Variants in CSF2RB observed in about 807,000 individuals in gnomAD.
The protein encoded by CSF2RB is colony stimulating factor 2 receptor subunit beta, also known as cytokine receptor common subunit beta.
In CSF2RB, 22 loss-of-function variants were observed where a neutral mutation model predicts 67.2. The ratio of observed to expected loss-of-function variants is 0.33; its 90% CI spans 0.23 to 0.47. The LOEUF is 0.47. CSF2RB is among the 20% of genes least tolerant of loss of function. The pLI, the probability that CSF2RB is intolerant of heterozygous loss-of-function variation, is 1.00. For missense variants in CSF2RB, 1,113 were observed against 1,174.5 expected (o/e 0.95, Z 0.76); for synonymous variants, 507 against 482.9 (o/e 1.05, Z -0.65).
intron 1 of CSF2RB, among the ~76,000 whole-genome samples, chr22:36,917,573 C>G (rs1940749963): frequency 6.6e-6 from 1 of 152,316 alleles, no homozygotes; most frequent in African/African-American, 2.4e-5. Context: ...CATGCTTACT[C>G]TTCATTCTTA....
In CSF2RB at chr22:36,932,740, C is replaced by T. The variant is rs369341608; in HGVS notation, c.1013-25C>T. 71 of 1,610,998 alleles carry T rather than the reference C, an allele frequency of 4.4e-5. No homozygotes were observed. In the Middle Eastern group the frequency reaches 3.1e-3, roughly 69 times the overall value. On this transcript the variant is annotated intron_variant, in intron 8 of 13. Transcript: ENST00000403662. ...CCGTTGGAGGGTGGGTATGATGACT[C>T]TCCTGAAAGCTTCCCTCCCTCCAGT...
chr22:36,917,557 T>C (rs564804402), intron 1 of CSF2RB, among the ~76,000 whole-genome samples: 11 of 152,364 alleles, frequency 7.2e-5, no homozygotes, highest in African/African-American at 2.6e-4. Context: ...GTCATCCTCC[T>C]GTCCCCATGC....
intron 3 of CSF2RB, among the ~76,000 whole-genome samples, chr22:36,924,184 C>T (rs996625235): frequency 6.1e-5 from 9 of 148,214 alleles, no homozygotes; most frequent in African/African-American, 1.7e-4. Flanking sequence ...CAAAGACCAT[C>T]CTGCCCCTCC....
chr22:36,918,761 C>T (rs1209642803), intron 1 of CSF2RB, among the ~76,000 whole-genome samples: 1 of 152,216 alleles, frequency 6.6e-6, no homozygotes, highest in African/African-American at 2.4e-5. Context: ...TTTTTCCCAG[C>T]ATATAAAAGA....
chr22:36,933,224 T>G lies in CSF2RB; in HGVS notation c.1152+320T>G, dbSNP rs117533392. Among the ~76,000 whole-genome samples, 1,298 of 152,210 alleles carry G rather than the reference T, an allele frequency of 8.5e-3. 17 individuals are homozygous for G. Among genetic ancestry groups the G allele is most frequent in the South Asian group, 0.051 (246 of 4,822 alleles). ...GAAGGTTTTCAAAAGTCATGAAAGT[T>G]TGGGGTTATTTCCTCAGAGGAATCT... On this transcript the variant is annotated intron_variant, in intron 9 of 13. Coordinates refer to ENST00000403662, the MANE Select transcript of CSF2RB (RefSeq NM_000395.3).
chr22:36,917,363 C>T (rs1245509966), intron 1 of CSF2RB, among the ~76,000 whole-genome samples: 1 of 151,984 alleles, frequency 6.6e-6, no homozygotes, highest in African/African-American at 2.4e-5. Flanking sequence ...TTTGCTTTTC[C>T]CCCCTAGTTT....
Position 36,938,254 on chromosome 22 carries a change from C to G in CSF2RB, c.2446C>G (p.Leu816Val). ...TSPQPEGLLV[L>V]QQVGDYCFLP... Reference sequence around the variant, plus strand: ...CCCACAGCCCGAGGGCCTCCTTGTCCTGCAGCAAGTGGGCGACTATTGCTT... The same window carrying G: ...CCCACAGCCCGAGGGCCTCCTTGTCGTGCAGCAAGTGGGCGACTATTGCTT... The change falls in exon 14 of 14, where the codon CTG becomes GTG. Residue 816 changes from leucine to valine, a missense_variant. Physicochemically the swap from Leu to Val is conservative, Grantham distance 32. Transcript: ENST00000403662. The G allele has an allele frequency of 1.2e-6, 2 of 1,614,196 alleles. No homozygotes were observed. Among genetic ancestry groups the G allele is most frequent in the Non-Finnish European group, 1.7e-6 (2 of 1,180,020 alleles).
chr22:36,929,828 G>A (rs750536113), intron 6 of CSF2RB, 21 bp downstream of exon 6: 1 of 1,611,308 alleles, frequency 6.2e-7, no homozygotes, highest in South Asian at 1.1e-5. Flanking sequence ...CAGAGCCCAG[G>A]AAATGCCCCG....
At chr22:36,925,362 A>G (rs1158729033) in intron 3 of CSF2RB, among the ~76,000 whole-genome samples, 1 of 152,146 alleles carries the variant, frequency 6.6e-6, no homozygotes, top group African/African-American at 2.4e-5. Flanking sequence ...ACATTGCCAC[A>G]TTCCCACCTC....
At chr22:36,921,123 G>A (rs1940855309) in intron 1 of CSF2RB, among the ~76,000 whole-genome samples, 1 of 151,262 alleles carries the variant, frequency 6.6e-6, no homozygotes, top group Non-Finnish European at 1.5e-5. Context: ...GTGTGCCTCT[G>A]TGTGTGAATT....
At position 36,937,932 on chromosome 22, in the gene CSF2RB, C is replaced by A. The variant is rs1471219715; in HGVS notation, c.2124C>A (p.Ala708=). The change falls in exon 14 of 14, where the codon GCC becomes GCA. Residue 708 remains alanine, a synonymous_variant. Transcript: ENST00000403662. This position sits in a 1 kb window ranked among gnomAD's most constrained non-coding sequence, Gnocchi z 4.6. The part of the protein sequence containing the change: ...SSGDTEDPGV[A]SGYVSSADLV... ...GGGACACTGAGGACCCTGGAGTGGC[C>A]TCTGGTTATGTCTCCTCTGCAGACC... 1.2e-6 allele frequency: 2 copies of A among 1,613,664 alleles called. No individual in the cohort carries two copies. Among genetic ancestry groups the A allele is most frequent in the African/African-American group, 2.7e-5 (2 of 74,912 alleles).
In CSF2RB at chr22:36,937,450, C is replaced by T. The variant is rs1203199655; in HGVS notation, c.1642C>T (p.Pro548Ser). ...TIEDPKHVCD[P>S]PSGPDTTPAA... ...AGAGGACCCCAAGCATGTCTGTGATCCACCATCTGGGCCTGACACGACTCC... is the reference window on the plus strand; with the variant it reads ...AGAGGACCCCAAGCATGTCTGTGATTCACCATCTGGGCCTGACACGACTCC... The change falls in exon 14 of 14, where the codon CCA becomes TCA. Residue 548 changes from proline (P) to serine (S), a missense_variant. Pro to Ser is a moderately conservative substitution (Grantham distance 74). Around this residue, in one of 2 missense-constraint regions of CSF2RB, gnomAD observed 554 missense variants for 517.9 expected, o/e 1.07. Coordinates refer to ENST00000403662, the MANE Select transcript of CSF2RB (RefSeq NM_000395.3). The surrounding 1 kb of genome is among the most constrained non-coding windows in gnomAD (Gnocchi z 4.6). 2 of 1,613,988 alleles carry T rather than the reference C, an allele frequency of 1.2e-6. No individual in the cohort carries two copies. Among genetic ancestry groups the T allele is most frequent in the African/African-American group, 1.3e-5 (1 of 74,922 alleles).
At position 36,938,208 on chromosome 22, in the gene CSF2RB, G is replaced by A. The variant is rs1801116; in HGVS notation, c.2400G>A (p.Pro800=). 45,063 of 1,614,078 alleles carry A rather than the reference G, an allele frequency of 0.028. 710 individuals are homozygous for A. Among genetic ancestry groups the A allele is most frequent in the Middle Eastern group, 0.05 (300 of 6,060 alleles). ...KSPVLNPGER[P]ADVSPTSPQP... ...CTGTCCTGAACCCAGGGGAACGCCC[G>A]GCAGATGTGTCCCCAACATCCCCAC... is the stretch of plus-strand genomic sequence containing the variant. The change falls in exon 14 of 14, where the codon CCG becomes CCA. Residue 800 remains proline, a synonymous_variant. Coordinates refer to ENST00000403662, the MANE Select transcript of CSF2RB (RefSeq NM_000395.3).
intron 3 of CSF2RB, among the ~76,000 whole-genome samples, chr22:36,924,278 C>A (rs557521117): frequency 6.6e-6 from 1 of 151,964 alleles, no homozygotes; most frequent in African/African-American, 2.4e-5. Flanking sequence ...CTCCCCACCC[C>A]CTTTGCCCAC....
In CSF2RB at chr22:36,938,020, T is replaced by C. The variant is rs1214684170; in HGVS notation, c.2212T>C (p.Ser738Pro). ...CCTAGTTCCCTCTCTGGGCCTCCCC[T>C]CAGACCAGACCCCCAGCTTATGTCC... ...VSLVPSLGLPSDQTPSLCPGL... is the reference protein window; with the variant it reads ...VSLVPSLGLPPDQTPSLCPGL... Residue 738 changes from serine (S) to proline (P), a missense_variant, in exon 14 of 14, where the codon TCA becomes CCA. Physicochemically the swap from Ser to Pro is moderately conservative, Grantham distance 74. Coordinates refer to ENST00000403662, the MANE Select transcript of CSF2RB (RefSeq NM_000395.3). 6.2e-6 allele frequency: 10 copies of C among 1,613,842 alleles called. No individual in the cohort carries two copies. Among genetic ancestry groups the C allele is most frequent in the Non-Finnish European group, 8.5e-6 (10 of 1,179,974 alleles).
chr22:36,922,633 G>A (rs560114720), intron 2 of CSF2RB: 42 of 438,344 alleles, frequency 9.6e-5, no homozygotes, highest in African/African-American at 7.3e-4. Flanking sequence ...CCGGGACTTT[G>A]CTCCTGCAGG....
intron 4 of CSF2RB, 143 bp from the exon 5 acceptor site, chr22:36,929,256 AGAG>A (rs1941092180): frequency 2.0e-6 from 2 of 1,014,480 alleles, no homozygotes; most frequent in East Asian, 4.8e-5. Flanking sequence ...TGAGGCTCAC[AGAG>A]GAGACGGGTC....
At chr22:36,914,213 C>T (rs1940661421) in intron 1 of CSF2RB, among the ~76,000 whole-genome samples, 1 of 152,012 alleles carries the variant, frequency 6.6e-6, no homozygotes, top group Admixed American at 6.5e-5. Flanking sequence ...TGTGTATGTG[C>T]ATGTGCGGAT....
In CSF2RB at chr22:36,939,436, A is replaced by C; in HGVS notation, c.*934A>C. ...CCCGGGTGGCCACTCTTCCAGATAG[A>C]CCAGGCAACTCTCCCTCCCACCGGC... On this transcript the variant is annotated 3_prime_UTR_variant, in exon 14 of 14. Transcript: ENST00000403662. The C allele has an allele frequency of 1.7e-6, 1 of 572,212 alleles. No homozygotes were observed. Among genetic ancestry groups the C allele is most frequent in the Non-Finnish European group, 3.1e-6 (1 of 318,364 alleles). 35.4% of individuals were successfully genotyped at this position (572,212 alleles called of 1,614,324 possible).
Sources: gnomAD v4.1 joint callset for allele counts (sites outside exome capture counted in the v4.1 genomes callset) on GRCh38, gnomAD v4.1.1 for gene constraint, gnomAD v4.1.1 regional missense constraint, Gnocchi (gnomAD v3.1) non-coding constraint, MANE v1.5 for transcripts, NCBI Gene and HGNC (gene_info 2026-07-23, HGNC 2026-07-21) for gene names.